TG: variants seen among roughly 807,000 people sequenced by gnomAD.
TG encodes thyroid hormones.
A neutral mutation model predicts 324.7 loss-of-function variants in TG; 270 were observed. The observed-to-expected ratio is 0.83, with a 90% CI of 0.75 to 0.92. The LOEUF (loss-of-function observed/expected upper bound fraction) is 0.92, where lower values mean the gene tolerates loss of function less well. TG is among the 40% of genes least tolerant of loss of function. TG has a pLI of 0.00. For missense variants in TG, 3,591 were observed against 3,456.4 expected (o/e 1.04, Z -0.98); for synonymous variants, 1,401 against 1,327.0 (o/e 1.06, Z -1.21).
intron 5 of TG, among the ~76,000 whole-genome samples, chr8:132,881,604 A>G (rs183476792): frequency 7.9e-5 from 12 of 152,344 alleles, no homozygotes; most frequent in East Asian, 5.8e-4. Flanking sequence ...GTCAAATGCC[A>G]TAAGTGAGGA....
At chr8:132,997,564 C>T (rs1833001617) in intron 35 of TG, among the ~76,000 whole-genome samples, 2 of 152,070 alleles carry the variant, frequency 1.3e-5, no homozygotes, top group Admixed American at 1.3e-4. Flanking sequence ...CTGGTGGCAT[C>T]TGCTATCATG....
At chr8:132,971,660 G>A in intron 32 of TG, 134 bp from the exon 33 acceptor site, 1 of 709,822 alleles carries the variant, frequency 1.4e-6, no homozygotes, top group Admixed American at 2.0e-5. Flanking sequence ...ATTGACCAAA[G>A]CACCCCCAGT....
chr8:133,060,255 G>A, intron 41 of TG: 1 of 1,610,512 alleles, frequency 6.2e-7, no homozygotes, highest in Non-Finnish European at 8.5e-7. Context: ...CCCTCCAAGT[G>A]GAGAATGACC....
intron 30 of TG, among the ~76,000 whole-genome samples, chr8:132,967,148 T>C (rs111539386): frequency 0.22 from 31,469 of 142,128 alleles, 3,937 homozygotes; most frequent in East Asian, 0.45. Flanking sequence ...CATCCATCCA[T>C]CCATCCACCC....
At chr8:132,917,889 A>ATTTTTT (rs71299038) in intron 20 of TG, among the ~76,000 whole-genome samples, 3,286 of 138,756 alleles carry the variant, frequency 0.024, 71 homozygotes, top group Non-Finnish European at 0.034. Flanking sequence ...GGTTTTTGCA[A>ATTTTTT]TTTTTTTTTT....
intron 41 of TG, among the ~76,000 whole-genome samples, chr8:133,042,839 G>A (rs1043640853): frequency 1.8e-4 from 28 of 151,410 alleles, no homozygotes; most frequent in African/African-American, 6.6e-4. Context: ...GATTACAGGC[G>A]CCCACCACCA....
intron 35 of TG, among the ~76,000 whole-genome samples, chr8:132,985,572 A>G (rs1831413003): frequency 6.6e-6 from 1 of 152,196 alleles, no homozygotes; most frequent in Non-Finnish European, 1.5e-5. Context: ...AATCATTATT[A>G]TGGCCATGTA....
At chr8:132,954,961 G>C (rs1296266885) in intron 27 of TG, among the ~76,000 whole-genome samples, 1 of 152,148 alleles carries the variant, frequency 6.6e-6, no homozygotes, top group Non-Finnish European at 1.5e-5. Flanking sequence ...GAGGGGCAAG[G>C]GAAACACATG....
intron 41 of TG, among the ~76,000 whole-genome samples, chr8:133,086,533 T>A (rs1277300034): frequency 6.6e-6 from 1 of 152,222 alleles, no homozygotes; most frequent in Non-Finnish European, 1.5e-5. Flanking sequence ...TTTAATACAT[T>A]TTTATTATCT....
At chr8:133,071,206 C>T (rs1843964206) in intron 41 of TG, among the ~76,000 whole-genome samples, 1 of 152,218 alleles carries the variant, frequency 6.6e-6, no homozygotes, top group Non-Finnish European at 1.5e-5. Context: ...GTTACATGTA[C>T]TCTCCACTTG....
At chr8:133,035,356 A>G (rs1175771267) in intron 41 of TG, among the ~76,000 whole-genome samples, 1 of 152,074 alleles carries the variant, frequency 6.6e-6, no homozygotes, top group Non-Finnish European at 1.5e-5. Context: ...TTCCAATTTT[A>G]TTGCTTTATT....
Position 132,882,909 on chromosome 8 carries a change from C to T in TG, c.985C>T (p.Gln329Ter). The T allele has an allele frequency of 6.2e-7, 1 of 1,614,192 alleles. No homozygotes were observed. The highest frequency in any genetic ancestry group is 8.5e-7 in the Non-Finnish European group (1 of 1,180,034). Reference sequence around the variant, plus strand: ...CCGAAATGGCGACTATCAGGCGGTGCAGTGCCAGACGGAAGGGCCCTGCTG... The same window carrying T: ...CCGAAATGGCGACTATCAGGCGGTGTAGTGCCAGACGGAAGGGCCCTGCTG... ...CRRNGDYQAV[Q>*]CQTEGPCWCV... Residue 329 changes from glutamine (Q) to a stop codon, truncating the protein, a stop_gained, in exon 8 of 48, where the codon CAG becomes TAG. Coordinates refer to ENST00000220616, the MANE Select transcript of TG (RefSeq NM_003235.5). LOFTEE classifies it high-confidence loss of function.
At chr8:132,900,545 G>A (rs1563929639) in intron 15 of TG, among the ~76,000 whole-genome samples, 3 of 152,344 alleles carry the variant, frequency 2.0e-5, no homozygotes, top group South Asian at 2.1e-4. Flanking sequence ...AGAAGCAAAC[G>A]TGGGAGGGAG....
intron 43 of TG, among the ~76,000 whole-genome samples, chr8:133,100,348 C>G (rs1849052656): frequency 6.6e-6 from 1 of 152,216 alleles, no homozygotes; most frequent in South Asian, 2.1e-4. Context: ...CTCAAACCTC[C>G]TGCCATATTA....
At chr8:133,078,671 C>T (rs1448192137) in intron 41 of TG, among the ~76,000 whole-genome samples, 4 of 152,236 alleles carry the variant, frequency 2.6e-5, no homozygotes, top group Non-Finnish European at 5.9e-5. Flanking sequence ...CTAGGCCCTA[C>T]CCTCAAGGAG....
rs770960694 is a variant in TG, at chr8:133,019,685, C to T, written c.6866C>T (p.Pro2289Leu). 11 of 1,612,984 alleles carry T rather than the reference C, an allele frequency of 6.8e-6. No homozygotes were observed. Among genetic ancestry groups the T allele is most frequent in the Non-Finnish European group, 8.5e-6 (10 of 1,179,310 alleles). Residue 2289 changes from proline (P) to leucine (L), a missense_variant, in exon 39 of 48, where the codon CCT becomes CTT. Coordinates refer to ENST00000220616, the MANE Select transcript of TG (RefSeq NM_003235.5). ...TGTTTGTATCTCAATGTGTTCATCC[C>T]TCAGAATGTGGTGAGTTCAAAAGCA... is the stretch of plus-strand genomic sequence containing the variant. ...EDCLYLNVFIPQNVAPNASVL... is the reference protein window; with the variant it reads ...EDCLYLNVFILQNVAPNASVL...
At chr8:132,963,248 C>T (rs1328711794) in intron 29 of TG, among the ~76,000 whole-genome samples, 174 bp downstream of exon 29, 3 of 152,316 alleles carry the variant, frequency 2.0e-5, no homozygotes, top group Non-Finnish European at 4.4e-5. Context: ...GGAAGCTCCT[C>T]AGATGGGCAA....
chr8:133,034,105 G>A (rs962825415), intron 41 of TG, among the ~76,000 whole-genome samples: 6 of 152,178 alleles, frequency 3.9e-5, no homozygotes, highest in Admixed American at 6.5e-5. Flanking sequence ...AGATATTCAT[G>A]AGTTTTGATG....
chr8:133,031,099 C>T (rs1836597325), intron 41 of TG, among the ~76,000 whole-genome samples: 1 of 152,204 alleles, frequency 6.6e-6, no homozygotes, highest in African/African-American at 2.4e-5. Flanking sequence ...AACAGAACCT[C>T]TGTATCCTTT....
Sources: gnomAD v4.1 joint callset for allele counts (sites outside exome capture counted in the v4.1 genomes callset) on GRCh38, gnomAD v4.1.1 for gene constraint, MANE v1.5 for transcripts, NCBI Gene and HGNC (gene_info 2026-07-23, HGNC 2026-07-21) for gene names.